NELL1: variants seen among roughly 807,000 people sequenced by gnomAD.
NELL1 encodes neural EGFL like 1, also known as protein kinase C-binding protein NELL1.
NELL1 carries 76 observed loss-of-function variants against 107.4 expected under a neutral mutation model. That is an observed-to-expected ratio of 0.71 (90% CI 0.59 to 0.86). The LOEUF is 0.86. Among genes scored for constraint, NELL1 ranks in the 40% least tolerant of loss-of-function variants. The probability of loss-of-function intolerance (pLI) is 0.00; values close to 1 mark genes in which losing one functional copy is unlikely to be tolerated. For synonymous variants in NELL1, 353 were observed against 341.2 expected, an observed-to-expected ratio of 1.03 and a Z score of -0.38; for missense variants, 1,024 against 1,005.5, an observed-to-expected ratio of 1.02 and a Z score of -0.25.
chr11:21,375,573 G>A (rs1020310128), intron 15 of NELL1, among the ~76,000 whole-genome samples: 8 of 152,156 alleles, frequency 5.3e-5, no homozygotes, highest in African/African-American at 1.4e-4. Context: ...TATATATACA[G>A]TAATGGGATT....
At chr11:20,707,010 A>T (rs1854980593) in intron 2 of NELL1, among the ~76,000 whole-genome samples, 1 of 152,162 alleles carries the variant, frequency 6.6e-6, no homozygotes, top group Admixed American at 6.5e-5. Context: ...CACCAATCAG[A>T]TGTAGACTTG....
chr11:21,299,950 G>C (rs553211148), intron 14 of NELL1, among the ~76,000 whole-genome samples: 1 of 152,040 alleles, frequency 6.6e-6, no homozygotes, highest in African/African-American at 2.4e-5. Flanking sequence ...CTCTGCTATA[G>C]GCAAAGCAGC....
chr11:20,975,932 CAT>C (rs1360685313), intron 12 of NELL1, among the ~76,000 whole-genome samples: 1 of 131,846 alleles, frequency 7.6e-6, no homozygotes, highest in Non-Finnish European at 1.5e-5. Context: ...CATATATGTA[CAT>C]ATATGTGTAC....
At chr11:21,440,070 A>G (rs1479444639) in intron 15 of NELL1, among the ~76,000 whole-genome samples, 1 of 152,148 alleles carries the variant, frequency 6.6e-6, no homozygotes, top group African/African-American at 2.4e-5. Context: ...ATACAGAAAA[A>G]CCAATATTTG....
At position 21,492,033 on chromosome 11, in the gene NELL1, C is replaced by T. The variant is rs1854833299; in HGVS notation, c.1646-42341C>T. Among the ~76,000 whole-genome samples the T allele has an allele frequency of 4.6e-5, 7 of 152,062 alleles. 1 individual carries two copies. In the South Asian group the frequency reaches 1.5e-3, roughly 32 times the overall value. ...TAATATCCAGAATCTACAATGAACTCAAACTAATTTACAAGGAAAAAACAA... is the reference window on the plus strand; with the variant it reads ...TAATATCCAGAATCTACAATGAACTTAAACTAATTTACAAGGAAAAAACAA... On this transcript the variant is annotated intron_variant, in intron 15 of 19. Coordinates refer to ENST00000357134, the MANE Select transcript of NELL1 (RefSeq NM_006157.5).
chr11:21,569,399 T>C (rs1164518074), intron 17 of NELL1, among the ~76,000 whole-genome samples: 1 of 151,926 alleles, frequency 6.6e-6, no homozygotes, highest in Non-Finnish European at 1.5e-5. Flanking sequence ...TGATCATGCA[T>C]GTAAATGCCT....
At chr11:21,237,054 C>T (rs1756769634) in intron 14 of NELL1, among the ~76,000 whole-genome samples, 1 of 151,926 alleles carries the variant, frequency 6.6e-6, no homozygotes, top group South Asian at 2.1e-4. Flanking sequence ...AGCTTTTTAC[C>T]CCTTTTCCTG....
intron 13 of NELL1, among the ~76,000 whole-genome samples, chr11:21,186,887 G>T (rs548459245): frequency 6.6e-6 from 1 of 151,958 alleles, no homozygotes; most frequent in East Asian, 1.9e-4. Flanking sequence ...AGTACAGAAA[G>T]TCATTTGTTT....
chr11:20,860,270 C>T (rs986728205), intron 4 of NELL1, among the ~76,000 whole-genome samples: 1 of 152,178 alleles, frequency 6.6e-6, no homozygotes, highest in African/African-American at 2.4e-5. Flanking sequence ...TGATTGATGT[C>T]TGCCTTTCCT....
chr11:21,562,665 T>C (rs1347307110), intron 17 of NELL1, among the ~76,000 whole-genome samples: 1 of 152,086 alleles, frequency 6.6e-6, no homozygotes, highest in African/African-American at 2.4e-5. Flanking sequence ...AATGGGTGAC[T>C]ATAATGGCAT....
At chr11:20,907,539 C>T (rs1291292558) in intron 5 of NELL1, among the ~76,000 whole-genome samples, 1 of 151,986 alleles carries the variant, frequency 6.6e-6, no homozygotes, top group Non-Finnish European at 1.5e-5. Flanking sequence ...CATACCCCAC[C>T]AGTTATAATT....
chr11:21,311,577 A>G (rs563323077), intron 14 of NELL1, among the ~76,000 whole-genome samples: 2 of 152,186 alleles, frequency 1.3e-5, no homozygotes, highest in Non-Finnish European at 2.9e-5. Flanking sequence ...AAGTGTGACT[A>G]TTAATGCCTC....
At chr11:21,282,891 A>G (rs1311793329) in intron 14 of NELL1, among the ~76,000 whole-genome samples, 2 of 152,224 alleles carry the variant, frequency 1.3e-5, no homozygotes, top group Non-Finnish European at 2.9e-5. Flanking sequence ...ATAGAACTGG[A>G]GGTCATTATG....
intron 14 of NELL1, among the ~76,000 whole-genome samples, chr11:21,311,481 A>T (rs1849747859): frequency 6.6e-6 from 1 of 152,166 alleles, no homozygotes; most frequent in Non-Finnish European, 1.5e-5. Flanking sequence ...GCATAAAATC[A>T]AATACATAAT....
At chr11:20,999,968 A>G (rs889871424) in intron 12 of NELL1, among the ~76,000 whole-genome samples, 2 of 151,488 alleles carry the variant, frequency 1.3e-5, no homozygotes, top group African/African-American at 2.4e-5. Context: ...GAAAGGTCAT[A>G]TGAAGGTTGT....
chr11:20,967,003 A>G (rs1480557356), intron 12 of NELL1, among the ~76,000 whole-genome samples: 3 of 152,176 alleles, frequency 2.0e-5, no homozygotes, highest in African/African-American at 4.8e-5. Flanking sequence ...AACCGGGGCA[A>G]TGGTCAGGAT....
chr11:20,872,639 C>A (rs979258694), intron 4 of NELL1, among the ~76,000 whole-genome samples: 3 of 150,274 alleles, frequency 2.0e-5, no homozygotes, highest in African/African-American at 7.3e-5. Flanking sequence ...GAATACTAAT[C>A]CCTGCTTGAA....
intron 14 of NELL1, among the ~76,000 whole-genome samples, chr11:21,310,068 A>G (rs1023315157): frequency 6.6e-6 from 1 of 151,960 alleles, no homozygotes; most frequent in African/African-American, 2.4e-5. Flanking sequence ...TAAGTACATT[A>G]GATGAATTAT....
chr11:21,091,213 T>C (rs910516997), intron 12 of NELL1, among the ~76,000 whole-genome samples: 16 of 152,194 alleles, frequency 1.1e-4, no homozygotes, highest in Non-Finnish European at 1.0e-4. Flanking sequence ...TAACATTATC[T>C]GGTAGATTTT....
Sources: allele counts gnomAD v4.1 joint callset (sites outside exome capture counted in the v4.1 genomes callset), GRCh38; gene constraint gnomAD v4.1.1; transcripts MANE v1.5; gene names NCBI Gene and HGNC (gene_info 2026-07-23, HGNC 2026-07-21).